Variants in PTPRG observed in about 807,000 individuals in gnomAD.
PTPRG encodes protein tyrosine phosphatase receptor type G.
In PTPRG, 102 loss-of-function variants were observed where a neutral mutation model predicts 165.3. The ratio of observed to expected loss-of-function variants is 0.62; its 90% CI spans 0.53 to 0.73. PTPRG has a LOEUF of 0.73. Among genes scored for constraint, PTPRG ranks in the 30% least tolerant of loss-of-function variants. The pLI, the probability that PTPRG is intolerant of heterozygous loss-of-function variation, is 0.00. For synonymous variants in PTPRG, 675 were observed against 669.5 expected (o/e 1.01, Z -0.13); for missense variants, 1,866 against 1,861.4 (o/e 1.00, Z -0.05).
chr3:61,584,535 G>A (rs542841751), intron 1 of PTPRG, among the ~76,000 whole-genome samples: 21 of 151,050 alleles, frequency 1.4e-4, no homozygotes, highest in Non-Finnish European at 2.2e-4. Context: ...GAAGATGAGC[G>A]CTTCCAGCAG....
chr3:61,671,891 G>T (rs1000951092), intron 1 of PTPRG, among the ~76,000 whole-genome samples: 3 of 147,148 alleles, frequency 2.0e-5, no homozygotes, highest in African/African-American at 7.6e-5. Flanking sequence ...TGGATGGGCG[G>T]GGGGGGCTGA....
intron 2 of PTPRG, among the ~76,000 whole-genome samples, chr3:61,821,194 G>A (rs1029930734): frequency 1.3e-5 from 2 of 150,336 alleles, no homozygotes; most frequent in African/African-American, 4.9e-5. Context: ...TTTTGAGACC[G>A]AGTCTGGCTC....
At chr3:61,633,215 C>T in intron 1 of PTPRG, among the ~76,000 whole-genome samples, 1 of 152,168 alleles carries the variant, frequency 6.6e-6, no homozygotes, top group Non-Finnish European at 1.5e-5. Context: ...GTCTTGTATT[C>T]CCAACTGGAG....
intron 1 of PTPRG, among the ~76,000 whole-genome samples, chr3:61,595,558 T>C (rs998676677): frequency 6.6e-6 from 1 of 152,218 alleles, no homozygotes; most frequent in Non-Finnish European, 1.5e-5. Flanking sequence ...TTGGTAACTT[T>C]AGTAGTTTGG....
chr3:61,815,743 A>G (rs1195635372), intron 2 of PTPRG, among the ~76,000 whole-genome samples: 1 of 152,228 alleles, frequency 6.6e-6, no homozygotes, highest in Admixed American at 6.5e-5. Context: ...GGTTAAGGGA[A>G]GCCCACACAT....
intron 1 of PTPRG, among the ~76,000 whole-genome samples, chr3:61,616,130 T>C (rs1219538297): frequency 1.3e-5 from 2 of 152,156 alleles, no homozygotes; most frequent in Non-Finnish European, 2.9e-5. Flanking sequence ...TTTGTATCTT[T>C]AGTAGAGATG....
chr3:62,151,195 A>G (rs952509238), intron 6 of PTPRG, among the ~76,000 whole-genome samples: 2 of 152,242 alleles, frequency 1.3e-5, no homozygotes, highest in Non-Finnish European at 2.9e-5. Context: ...TTGAAAGGAA[A>G]CTGCAAGGAT....
intron 2 of PTPRG, among the ~76,000 whole-genome samples, chr3:61,821,315 G>A (rs939144271): frequency 6.6e-6 from 1 of 151,934 alleles, no homozygotes; most frequent in Non-Finnish European, 1.5e-5. Context: ...GACTACAGGC[G>A]CCTGCCACCT....
In PTPRG at chr3:61,713,737, G is replaced by T. The variant is rs13433865; in HGVS notation, c.86-35141G>T. 2.9e-3 allele frequency among the ~76,000 whole-genome samples: 440 copies of T among 152,250 alleles called. 3 individuals carry two copies. The highest frequency in any genetic ancestry group is 0.01 in the African/African-American group (428 of 41,536). ...CATCATCCTGTGTGTGGCAGGCAGC[G>T]TGTCCCAATTTTTGGTTTGTAGAAG... On this transcript the variant is annotated intron_variant, in intron 1 of 29. Coordinates refer to ENST00000474889, the MANE Select transcript of PTPRG (RefSeq NM_002841.4).
chr3:62,117,737 A>G (rs989087070), intron 5 of PTPRG, among the ~76,000 whole-genome samples: 1 of 152,150 alleles, frequency 6.6e-6, no homozygotes, highest in Non-Finnish European at 1.5e-5. Context: ...ACAATTACAC[A>G]ATTCACAGGG....
chr3:62,205,453 G>T lies in PTPRG; in HGVS notation c.2155+1503G>T, dbSNP rs74652224. Among the ~76,000 whole-genome samples, 346 of 152,334 alleles carry T rather than the reference G, an allele frequency of 2.3e-3. 3 individuals are homozygous for T. The highest frequency in any genetic ancestry group is 7.8e-3 in the African/African-American group (324 of 41,572). ...CTCTTCTCTTGGGGTTTGCATTCTG[G>T]TAGGGGAGCTTGAGAATATGCCAGT... is the stretch of plus-strand genomic sequence containing the variant. On this transcript the variant is annotated intron_variant, in intron 12 of 29. Coordinates refer to ENST00000474889, the MANE Select transcript of PTPRG (RefSeq NM_002841.4).
chr3:62,062,912 C>A (rs932486036), intron 4 of PTPRG, among the ~76,000 whole-genome samples: 1 of 152,178 alleles, frequency 6.6e-6, no homozygotes, highest in Non-Finnish European at 1.5e-5. Flanking sequence ...TCTCAGCCTC[C>A]CAGAGTGCTG....
intron 6 of PTPRG, among the ~76,000 whole-genome samples, chr3:62,145,804 T>C (rs1704098820): frequency 6.6e-6 from 1 of 152,208 alleles, no homozygotes; most frequent in Non-Finnish European, 1.5e-5. Flanking sequence ...AGTGAGGTTT[T>C]AGAGAGATGA....
intron 5 of PTPRG, among the ~76,000 whole-genome samples, chr3:62,078,520 A>G (rs1022964201): frequency 2.0e-5 from 3 of 152,162 alleles, no homozygotes; most frequent in African/African-American, 7.2e-5. Flanking sequence ...CATCTAAGTT[A>G]CTTCGCCGCT....
Position 62,078,255 on chromosome 3 carries a change from T to C in PTPRG, c.612T>C (p.Phe204=). The C allele has an allele frequency of 6.3e-7, 1 of 1,588,634 alleles. No homozygotes were observed. The highest frequency in any genetic ancestry group is 1.2e-5 in the South Asian group (1 of 86,746). The change falls in exon 5 of 30, where the codon TTT becomes TTC. Residue 204 remains phenylalanine (F), a synonymous_variant. Transcript: ENST00000474889. The part of the protein sequence containing the change: ...NRIIGAMAIF[F]QVSPRDNSAL... ...TAATCGGAGCCATGGCCATATTTTTTCAAGTAAGTTAACAGTGGCTGAAGT... is the reference window on the plus strand; with the variant it reads ...TAATCGGAGCCATGGCCATATTTTTCCAAGTAAGTTAACAGTGGCTGAAGT...
intron 5 of PTPRG, among the ~76,000 whole-genome samples, chr3:62,127,971 T>C (rs899649068): frequency 2.6e-5 from 4 of 152,120 alleles, no homozygotes; most frequent in Admixed American, 6.5e-5. Context: ...GAAAAGAAAA[T>C]GTTACGAAGT....
At chr3:61,625,960 A>T (rs1212618850) in intron 1 of PTPRG, among the ~76,000 whole-genome samples, 4 of 151,548 alleles carry the variant, frequency 2.6e-5, no homozygotes, top group Non-Finnish European at 5.9e-5. Flanking sequence ...AGCAAAGCAG[A>T]GTCATTTATG....
chr3:61,580,049 T>C (rs995797179), intron 1 of PTPRG, among the ~76,000 whole-genome samples: 10 of 152,216 alleles, frequency 6.6e-5, no homozygotes, highest in African/African-American at 2.2e-4. Context: ...ATGCATAAGA[T>C]GCATGTAGAT....
In PTPRG at chr3:62,168,079, G is replaced by C; in HGVS notation, c.949G>C (p.Val317Leu). 6.2e-7 allele frequency: 1 copy of C among 1,614,076 alleles called. No homozygotes were observed. Among genetic ancestry groups the C allele is most frequent in the Non-Finnish European group, 8.5e-7 (1 of 1,180,002 alleles). Residue 317 changes from valine to leucine, a missense_variant, in exon 8 of 30, where the codon GTG becomes CTG. Physicochemically the swap from Val to Leu is conservative, Grantham distance 32 (BLOSUM62 1). Around this residue, in one of 3 missense-constraint regions of PTPRG, gnomAD observed 1,452 missense variants for 1,463.0 expected, o/e 0.99. Transcript: ENST00000474889. ...RPQQRLHDRV[V>L]SKSAVRDSWN... is the part of the protein sequence containing the mutation. ...ACAGCAGCGTCTGCATGACAGGGTG[G>C]TGTCCAAGTCCGCCGTCCGTGACTC...
Sources: gnomAD v4.1 joint callset for allele counts (sites outside exome capture counted in the v4.1 genomes callset) on GRCh38, gnomAD v4.1.1 for gene constraint, gnomAD v4.1.1 regional missense constraint, MANE v1.5 for transcripts, NCBI Gene and HGNC (gene_info 2026-07-23, HGNC 2026-07-21) for gene names.